SHTN1: variants seen among roughly 807,000 people sequenced by gnomAD.
SHTN1 encodes the protein shootin 1, also known as shootin-1.
A neutral mutation model predicts 83.1 loss-of-function variants in SHTN1; 42 were observed. The ratio of observed to expected loss-of-function variants is 0.51; its 90% CI spans 0.39 to 0.65. The LOEUF is 0.65. SHTN1 is among the 30% of genes least tolerant of loss of function. The probability of loss-of-function intolerance (pLI) is 0.00; values close to 1 mark genes in which losing one functional copy is unlikely to be tolerated. For missense variants in SHTN1, 622 were observed against 737.8 expected (o/e 0.84, Z 1.82); for synonymous variants, 224 against 247.7 (o/e 0.90, Z 0.90).
intron 1 of SHTN1, among the ~76,000 whole-genome samples, chr10:117,060,425 T>C (rs1431333070): frequency 6.6e-6 from 1 of 152,192 alleles, no homozygotes; most frequent in Non-Finnish European, 1.5e-5. Context: ...TTTTTAAGAA[T>C]GGTGTACCGA....
intron 4 of SHTN1, among the ~76,000 whole-genome samples, chr10:116,958,087 T>C (rs1197957719): frequency 6.6e-6 from 1 of 152,066 alleles, no homozygotes; most frequent in Non-Finnish European, 1.5e-5. Context: ...AATTACGAGG[T>C]CAAGCTGCAT....
At chr10:116,952,608 A>G (rs1377476140) in intron 5 of SHTN1, among the ~76,000 whole-genome samples, 1 of 152,202 alleles carries the variant, frequency 6.6e-6, no homozygotes, top group African/African-American at 2.4e-5. Flanking sequence ...GGATTCAATG[A>G]AAAGTGTGTC....
chr10:117,019,793 C>T (rs7072663), intron 2 of SHTN1, among the ~76,000 whole-genome samples: 38,647 of 149,818 alleles, frequency 0.26, 5,858 homozygotes, highest in East Asian at 0.55. Context: ...TGCCACTGCA[C>T]TCCACAGTGG....
intron 4 of SHTN1, 24 bp downstream of exon 4, chr10:116,960,112 A>C (rs1172702450): frequency 7.0e-7 from 1 of 1,431,552 alleles, no homozygotes; most frequent in Non-Finnish European, 9.8e-7. Context: ...AGCTCAGGTA[A>C]AATTCCTTCA....
intron 2 of SHTN1, chr10:116,974,184 T>C (rs918343951): frequency 1.6e-5 from 16 of 1,000,780 alleles, no homozygotes; most frequent in Non-Finnish European, 1.7e-5. Flanking sequence ...TGGAAACACA[T>C]GTCATCAGAA....
intron 1 of SHTN1, among the ~76,000 whole-genome samples, chr10:117,102,370 C>T (rs1460262796): frequency 6.6e-6 from 1 of 152,130 alleles, no homozygotes; most frequent in Non-Finnish European, 1.5e-5. Flanking sequence ...GAGACTGAGG[C>T]GTTGCTACTG....
At chr10:116,983,032 C>T (rs912257830) in intron 1 of SHTN1, among the ~76,000 whole-genome samples, 1 of 151,542 alleles carries the variant, frequency 6.6e-6, no homozygotes, top group Non-Finnish European at 1.5e-5. Context: ...CTTGAGAGCT[C>T]GAGAAGACTT....
intron 1 of SHTN1, among the ~76,000 whole-genome samples, chr10:116,995,132 G>A (rs1216793246): frequency 1.3e-5 from 2 of 151,998 alleles, no homozygotes; most frequent in Admixed American, 6.6e-5. Context: ...GCCATTTTAA[G>A]TCTTGTTGTT....
chr10:116,988,511 ATT>A (rs1851303289), intron 1 of SHTN1, among the ~76,000 whole-genome samples: 1 of 147,020 alleles, frequency 6.8e-6, no homozygotes, highest in South Asian at 2.1e-4. Context: ...TATTTTTTAT[ATT>A]TTATCTTATT....
chr10:117,077,509 G>A (rs1242546692), intron 1 of SHTN1, among the ~76,000 whole-genome samples: 1 of 151,870 alleles, frequency 6.6e-6, no homozygotes, highest in African/African-American at 2.4e-5. Context: ...TTAAGTTTTA[G>A]GGTACATGTG....
At chr10:117,060,895 A>C (rs1589915745) in intron 1 of SHTN1, among the ~76,000 whole-genome samples, 1 of 152,204 alleles carries the variant, frequency 6.6e-6, no homozygotes, top group African/African-American at 2.4e-5. Context: ...AACCTAATGT[A>C]GTACAGTGCC....
At chr10:117,071,809 C>T (rs556131180) in intron 1 of SHTN1, among the ~76,000 whole-genome samples, 1 of 152,152 alleles carries the variant, frequency 6.6e-6, no homozygotes, top group Non-Finnish European at 1.5e-5. Context: ...GAGGCCGAGG[C>T]GGGCAGGAGA....
At chr10:117,106,249 G>T (rs1416479288) in intron 1 of SHTN1, among the ~76,000 whole-genome samples, 1 of 152,172 alleles carries the variant, frequency 6.6e-6, no homozygotes, top group East Asian at 1.9e-4. Flanking sequence ...GAGGTCAAGA[G>T]ATCAAGACCA....
intron 12 of SHTN1, among the ~76,000 whole-genome samples, chr10:116,919,722 G>A (rs1179928372): frequency 6.6e-6 from 1 of 152,118 alleles, no homozygotes; most frequent in Non-Finnish European, 1.5e-5. Context: ...CAAAGAGCAG[G>A]GCCACCCAGC....
chr10:116,915,337 A>G, intron 13 of SHTN1, 38 bp downstream of exon 13: 2 of 1,076,202 alleles, frequency 1.9e-6, no homozygotes, highest in Non-Finnish European at 2.8e-6. Flanking sequence ...AAAAAAGGAA[A>G]TATCAAACAG....
chr10:117,039,812 C>A (rs1294990696), intron 2 of SHTN1, among the ~76,000 whole-genome samples: 1 of 150,552 alleles, frequency 6.6e-6, no homozygotes, highest in African/African-American at 2.4e-5. Flanking sequence ...AAGATTGCGC[C>A]CCTGCACTCC....
At chr10:117,067,066 G>C (rs980829954) in intron 1 of SHTN1, among the ~76,000 whole-genome samples, 4 of 152,206 alleles carry the variant, frequency 2.6e-5, no homozygotes, top group African/African-American at 9.6e-5. Context: ...AAATGTAAGA[G>C]CATTCTGCCT....
chr10:116,967,201 A>T (rs1850425947), intron 3 of SHTN1, among the ~76,000 whole-genome samples: 2 of 152,122 alleles, frequency 1.3e-5, no homozygotes, highest in Admixed American at 6.5e-5. Flanking sequence ...CTACGGTCTG[A>T]CCCTTTGCCT....
At chr10:117,089,070 A>G (rs1449690471) in intron 1 of SHTN1, among the ~76,000 whole-genome samples, 1 of 152,212 alleles carries the variant, frequency 6.6e-6, no homozygotes, top group Non-Finnish European at 1.5e-5. Context: ...AACCCATGGT[A>G]GGGCTGTACA....
Sources: gnomAD v4.1 joint callset for allele counts (sites outside exome capture counted in the v4.1 genomes callset) on GRCh38, gnomAD v4.1.1 for gene constraint, MANE v1.5 for transcripts, NCBI Gene and HGNC (gene_info 2026-07-23, HGNC 2026-07-21) for gene names.